Variants in ZNF407 observed in about 807,000 individuals in gnomAD.
The protein encoded by ZNF407 is zinc finger protein 407.
A neutral mutation model predicts 131.2 loss-of-function variants in ZNF407; 17 were observed. The ratio of observed to expected loss-of-function variants is 0.13; its 90% confidence interval spans 0.09 to 0.19. The LOEUF (loss-of-function observed/expected upper bound fraction) is 0.19. Ranked by LOEUF, ZNF407 falls within the 10% of genes least tolerant of loss-of-function variation. ZNF407 has a pLI of 1.00. For synonymous variants in ZNF407, 1,156 were observed against 1,062.0 expected, an observed-to-expected ratio of 1.09 and a Z score of -1.72; for missense variants, 2,681 against 2,830.6, an observed-to-expected ratio of 0.95 and a Z score of 1.20.
chr18:74,917,240 C>A (rs1175522131), intron 7 of ZNF407, among the ~76,000 whole-genome samples: 1 of 152,066 alleles, frequency 6.6e-6, no homozygotes, highest in Non-Finnish European at 1.5e-5. Context: ...CTCTCATTTC[C>A]CCAAACGCTT....
chr18:74,669,264 G>A (rs1263403797), intron 3 of ZNF407, among the ~76,000 whole-genome samples: 1 of 152,202 alleles, frequency 6.6e-6, no homozygotes. Flanking sequence ...AGCCTGGTCA[G>A]AGGACTCGGC....
At chr18:74,729,888 G>A (rs983733580) in intron 3 of ZNF407, among the ~76,000 whole-genome samples, 2 of 151,978 alleles carry the variant, frequency 1.3e-5, no homozygotes, top group African/African-American at 2.4e-5. Context: ...ATAGACAGAG[G>A]TAATTTGATC....
intron 3 of ZNF407, among the ~76,000 whole-genome samples, chr18:74,729,325 A>G (rs112732087): frequency 7.9e-5 from 12 of 152,196 alleles, no homozygotes; most frequent in African/African-American, 2.9e-4. Context: ...AAAGATGAGA[A>G]GTTACCTAGG....
At chr18:74,853,701 T>A (rs1970820811) in intron 4 of ZNF407, among the ~76,000 whole-genome samples, 1 of 152,168 alleles carries the variant, frequency 6.6e-6, no homozygotes, top group South Asian at 2.1e-4. Context: ...GTTGCTTTAC[T>A]TGTCTGTGTT....
intron 8 of ZNF407, among the ~76,000 whole-genome samples, chr18:74,929,400 A>G (rs1971955443): frequency 6.6e-6 from 1 of 152,138 alleles, no homozygotes; most frequent in African/African-American, 2.4e-5. Flanking sequence ...AAAAAAAAAA[A>G]GTAAACAAAA....
At chr18:74,827,930 A>G (rs1372925447) in intron 4 of ZNF407, among the ~76,000 whole-genome samples, 1 of 152,182 alleles carries the variant, frequency 6.6e-6, no homozygotes, top group Non-Finnish European at 1.5e-5. Flanking sequence ...TTCTATGAGG[A>G]GATGAACTCT....
intron 8 of ZNF407, among the ~76,000 whole-genome samples, chr18:75,028,331 C>A (rs1568305374): frequency 6.6e-6 from 1 of 152,118 alleles, no homozygotes; most frequent in Non-Finnish European, 1.5e-5. Flanking sequence ...GGTGGATGAC[C>A]GTCTTCCCTG....
In ZNF407 at chr18:74,675,718, G is replaced by A. The variant is rs1003699868; in HGVS notation, c.4802+34596G>A. Among the ~76,000 whole-genome samples the A allele has an allele frequency of 7.2e-5, 11 of 152,172 alleles. No homozygotes were observed. The East Asian group carries it at 2.1e-3, about 29-fold the overall frequency. Reference sequence around the variant, plus strand: ...CTTTTTGGTTTTAATGGTTACCCTAGCAATTACACCATTATCCTTGACTTA... The same window carrying A: ...CTTTTTGGTTTTAATGGTTACCCTAACAATTACACCATTATCCTTGACTTA... On this transcript the variant is annotated intron_variant, in intron 3 of 8. Coordinates refer to ENST00000299687, the MANE Select transcript of ZNF407 (RefSeq NM_017757.3).
At chr18:74,622,778 G>A (rs181885053) in intron 1 of ZNF407, among the ~76,000 whole-genome samples, 18 of 152,150 alleles carry the variant, frequency 1.2e-4, no homozygotes, top group Admixed American at 1.1e-3. Flanking sequence ...GTGAGAGTGC[G>A]CGTGTCATTG....
chr18:74,696,043 A>G (rs1226634595), intron 3 of ZNF407, among the ~76,000 whole-genome samples: 2 of 152,264 alleles, frequency 1.3e-5, no homozygotes, highest in East Asian at 3.9e-4. Flanking sequence ...TTTCCTGGAG[A>G]ATAGAGTGCT....
At chr18:75,052,455 G>T (rs140002816) in intron 8 of ZNF407, among the ~76,000 whole-genome samples, 1 of 152,170 alleles carries the variant, frequency 6.6e-6, no homozygotes, top group African/African-American at 2.4e-5. Flanking sequence ...CAGGGAGCCC[G>T]TCTTCCGGTC....
At chr18:75,006,999 T>G (rs1972918589) in intron 8 of ZNF407, among the ~76,000 whole-genome samples, 1 of 152,108 alleles carries the variant, frequency 6.6e-6, no homozygotes, top group East Asian at 1.9e-4. Context: ...ATTGCACTTC[T>G]TTTTTGATTA....
chr18:74,833,660 C>T (rs549207617), intron 4 of ZNF407, among the ~76,000 whole-genome samples: 72 of 152,282 alleles, frequency 4.7e-4, no homozygotes, highest in African/African-American at 1.4e-3. Flanking sequence ...GCCCTTGGCA[C>T]GGGACTTAAG....
At chr18:74,947,625 G>T (rs1398500730) in intron 8 of ZNF407, among the ~76,000 whole-genome samples, 1 of 152,208 alleles carries the variant, frequency 6.6e-6, no homozygotes, top group Non-Finnish European at 1.5e-5. Flanking sequence ...CCCTCGGAGG[G>T]AGGAGGCATC....
At chr18:74,636,719 GT>G (rs1316504140) in intron 2 of ZNF407, among the ~76,000 whole-genome samples, 1 of 152,148 alleles carries the variant, frequency 6.6e-6, no homozygotes, top group Non-Finnish European at 1.5e-5. Context: ...ATAGATAAAA[GT>G]TTTTCACTGA....
At chr18:74,941,547 G>A (rs987225766) in intron 8 of ZNF407, among the ~76,000 whole-genome samples, 3 of 152,200 alleles carry the variant, frequency 2.0e-5, no homozygotes, top group African/African-American at 4.8e-5. Context: ...ACTATAATGG[G>A]TTGCTAAGCA....
At chr18:74,834,003 C>G (rs1970521769) in intron 4 of ZNF407, among the ~76,000 whole-genome samples, 1 of 152,148 alleles carries the variant, frequency 6.6e-6, no homozygotes, top group South Asian at 2.1e-4. Context: ...TGGATCAGAA[C>G]TTTTAATTTT....
chr18:74,676,677 G>A lies in ZNF407; in HGVS notation c.4802+35555G>A, dbSNP rs186635384. ...TCTCGATCTCCTGACCTCGTGATCT[G>A]CCCGCCTTGGCCTCCCAGAATGCTG... On this transcript the variant is annotated intron_variant, in intron 3 of 8. Transcript: ENST00000299687. Among the ~76,000 whole-genome samples the A allele has an allele frequency of 4.0e-3, 596 of 150,138 alleles. 1 individual carries two copies. Among genetic ancestry groups the A allele is most frequent in the Non-Finnish European group, 7.0e-3 (474 of 67,972 alleles).
At chr18:74,765,257 T>G (rs1969203242) in intron 3 of ZNF407, among the ~76,000 whole-genome samples, 1 of 152,228 alleles carries the variant, frequency 6.6e-6, no homozygotes, top group South Asian at 2.1e-4. Flanking sequence ...TTGTTCATTC[T>G]GGGTTGGTTG....
Sources: allele counts gnomAD v4.1 joint callset (sites outside exome capture counted in the v4.1 genomes callset), GRCh38; gene constraint gnomAD v4.1.1; transcripts MANE v1.5; gene names NCBI Gene and HGNC (gene_info 2026-07-23, HGNC 2026-07-21).